Variants in PCDH9 observed in about 807,000 individuals in gnomAD.
PCDH9 encodes protocadherin-9.
In PCDH9, 24 loss-of-function variants were observed where a neutral mutation model predicts 70.6. The ratio of observed to expected loss-of-function variants is 0.34; its 90% CI spans 0.25 to 0.48. The LOEUF (loss-of-function observed/expected upper bound fraction) is 0.48, where lower values mean the gene tolerates loss of function less well. PCDH9 is among the 20% of genes least tolerant of loss of function. The pLI, the probability that PCDH9 is intolerant of heterozygous loss-of-function variation, is 0.99. For missense variants in PCDH9, 1,281 were observed against 1,503.6 expected (o/e 0.85, Z 2.45); for synonymous variants, 562 against 558.5 (o/e 1.01, Z -0.09).
intron 3 of PCDH9, among the ~76,000 whole-genome samples, chr13:66,814,049 T>G (rs1215672097): frequency 1.3e-5 from 2 of 152,166 alleles, no homozygotes; most frequent in Non-Finnish European, 2.9e-5. Flanking sequence ...AACATACAAA[T>G]GCCACTACAT....
intron 3 of PCDH9, among the ~76,000 whole-genome samples, chr13:66,821,963 T>C (rs950262875): frequency 6.6e-6 from 1 of 152,202 alleles, no homozygotes; most frequent in Non-Finnish European, 1.5e-5. Flanking sequence ...ATATGAACAT[T>C]GCTTTTGTAA....
At chr13:66,937,240 T>A (rs1029692174) in intron 2 of PCDH9, among the ~76,000 whole-genome samples, 3 of 152,220 alleles carry the variant, frequency 2.0e-5, no homozygotes, top group African/African-American at 4.8e-5. Flanking sequence ...TTTATTAACC[T>A]ATGATTTAGG....
chr13:66,445,749 CATAT>C (rs1249991569), intron 4 of PCDH9, among the ~76,000 whole-genome samples: 4 of 144,336 alleles, frequency 2.8e-5, no homozygotes, highest in African/African-American at 1.0e-4. Flanking sequence ...TATATATACA[CATAT>C]ATAATACATA....
chr13:66,658,868 T>C (rs564030450), intron 3 of PCDH9, among the ~76,000 whole-genome samples: 1 of 152,266 alleles, frequency 6.6e-6, no homozygotes, highest in East Asian at 1.9e-4. Flanking sequence ...GGTGACTACA[T>C]TAAGAGTTTT....
intron 2 of PCDH9, among the ~76,000 whole-genome samples, chr13:66,941,274 G>A (rs1472997813): frequency 6.6e-6 from 1 of 151,268 alleles, no homozygotes; most frequent in Non-Finnish European, 1.5e-5. Context: ...TGAAATATAT[G>A]GGTAATAGTC....
At chr13:66,529,356 A>G (rs1317690676) in intron 4 of PCDH9, among the ~76,000 whole-genome samples, 3 of 152,152 alleles carry the variant, frequency 2.0e-5, no homozygotes, top group African/African-American at 7.2e-5. Flanking sequence ...TACCAATAAT[A>G]GTACTAACAA....
intron 2 of PCDH9, chr13:67,211,261 A>G (rs1340021277): frequency 6.6e-6 from 1 of 151,996 alleles, no homozygotes; most frequent in Non-Finnish European, 1.5e-5. Context: ...TTTAAATTAT[A>G]GTAATTACTT....
chr13:66,607,693 A>C (rs191645104), intron 4 of PCDH9, among the ~76,000 whole-genome samples: 1 of 152,130 alleles, frequency 6.6e-6, no homozygotes, highest in Non-Finnish European at 1.5e-5. Context: ...TTACAGAAAA[A>C]TAAATCCAAG....
intron 4 of PCDH9, among the ~76,000 whole-genome samples, chr13:66,506,795 AGT>A (rs1959222384): frequency 6.6e-6 from 1 of 152,276 alleles, no homozygotes; most frequent in Non-Finnish European, 1.5e-5. Flanking sequence ...CACATAAAAA[AGT>A]GTTCTGTAAA....
At chr13:66,421,266 CAGG>C (rs2138349392) in intron 4 of PCDH9, among the ~76,000 whole-genome samples, 1 of 152,102 alleles carries the variant, frequency 6.6e-6, no homozygotes, top group South Asian at 2.1e-4. Flanking sequence ...TCAAGATATT[CAGG>C]AGAACTTCCC....
chr13:66,374,713 T>A (rs1326632231), intron 4 of PCDH9, among the ~76,000 whole-genome samples: 1 of 152,026 alleles, frequency 6.6e-6, no homozygotes, highest in East Asian at 1.9e-4. Context: ...CCAAAATGCA[T>A]CCAGGTGGAT....
chr13:66,648,551 G>A (rs751035753), intron 3 of PCDH9, among the ~76,000 whole-genome samples: 4 of 152,174 alleles, frequency 2.6e-5, no homozygotes, highest in Non-Finnish European at 4.4e-5. Context: ...CAAAAACTTA[G>A]GTCACAACAC....
At chr13:67,224,372 C>A (rs757921957) in intron 2 of PCDH9, 1 of 152,166 alleles carries the variant, frequency 6.6e-6, no homozygotes, top group East Asian at 1.9e-4. Flanking sequence ...TTCCCTCCCC[C>A]TTCTCCTTGC....
At chr13:66,899,256 T>C (rs750405076) in intron 3 of PCDH9, among the ~76,000 whole-genome samples, 10 of 152,156 alleles carry the variant, frequency 6.6e-5, no homozygotes, top group African/African-American at 1.2e-4. Flanking sequence ...TGGAGATTTA[T>C]AGCAGTGGCC....
At chr13:67,010,830 G>A (rs2084438928) in intron 2 of PCDH9, among the ~76,000 whole-genome samples, 1 of 151,886 alleles carries the variant, frequency 6.6e-6, no homozygotes, top group African/African-American at 2.4e-5. Context: ...AGAAACTAGT[G>A]GGTAAAGTAA....
chr13:66,852,799 C>CA (rs1308603751), intron 3 of PCDH9, among the ~76,000 whole-genome samples: 2 of 149,858 alleles, frequency 1.3e-5, no homozygotes, highest in African/African-American at 5.1e-5. Context: ...ATCTCTATGC[C>CA]AAATACCTGG....
At chr13:66,638,644 A>AT (rs572488701) in intron 3 of PCDH9, among the ~76,000 whole-genome samples, 3 of 152,178 alleles carry the variant, frequency 2.0e-5, no homozygotes, top group Non-Finnish European at 4.4e-5. Context: ...AAAACTAGCA[A>AT]TTTTTTATGA....
intron 2 of PCDH9, among the ~76,000 whole-genome samples, chr13:67,112,763 C>A (rs1334085811): frequency 6.6e-6 from 1 of 151,414 alleles, no homozygotes; most frequent in African/African-American, 2.4e-5. Context: ...TGTCGCCCAG[C>A]CTGGAGTACA....
At chr13:66,609,850 A>G (rs1244827247) in intron 4 of PCDH9, among the ~76,000 whole-genome samples, 1 of 152,084 alleles carries the variant, frequency 6.6e-6, no homozygotes, top group Non-Finnish European at 1.5e-5. Context: ...GTCTTTTTCC[A>G]AATTTTCTCT....
Sources: allele counts gnomAD v4.1 joint callset (sites outside exome capture counted in the v4.1 genomes callset), GRCh38; gene constraint gnomAD v4.1.1; transcripts MANE v1.5; gene names NCBI Gene and HGNC (gene_info 2026-07-23, HGNC 2026-07-21).